Variants in NRDE2 observed in about 807,000 individuals in gnomAD.
The protein encoded by NRDE2 is NRDE-2, necessary for RNA interference, domain containing.
In NRDE2, 76 loss-of-function variants were observed where a neutral mutation model predicts 124.2. The observed-to-expected ratio is 0.61, with a 90% confidence interval of 0.51 to 0.74. The LOEUF (loss-of-function observed/expected upper bound fraction) is 0.74, where lower values mean the gene tolerates loss of function less well. Ranked by LOEUF, NRDE2 falls within the 30% of genes least tolerant of loss-of-function variation. The probability of loss-of-function intolerance (pLI) is 0.00; values close to 1 mark genes in which losing one functional copy is unlikely to be tolerated. For missense variants in NRDE2, 1,314 were observed against 1,417.3 expected (o/e 0.93, Z 1.17); for synonymous variants, 489 against 528.1 (o/e 0.93, Z 1.01).
rs914565440 is a variant in NRDE2, at chr14:90,318,122, G to A, written c.65-9C>T. On this transcript the variant is annotated splice_polypyrimidine_tract_variant and intron_variant, in intron 1 of 13. Coordinates refer to ENST00000354366, the MANE Select transcript of NRDE2 (RefSeq NM_017970.4). ...GCTCAGCCAGTCTAACTCTGCACAGGCAAAAGGAGAAAAGATCAATGAAAT... is the reference window on the plus strand; with the variant it reads ...GCTCAGCCAGTCTAACTCTGCACAGACAAAAGGAGAAAAGATCAATGAAAT... 1 of 1,598,080 alleles carries A rather than the reference G, an allele frequency of 6.3e-7. No homozygotes were observed. Among genetic ancestry groups the A allele is most frequent in the Non-Finnish European group, 8.6e-7 (1 of 1,168,300 alleles).
At chr14:90,330,049 A>G (rs1238799737) in intron 1 of NRDE2, among the ~76,000 whole-genome samples, 2 of 150,668 alleles carry the variant, frequency 1.3e-5, no homozygotes, top group Non-Finnish European at 3.0e-5. Context: ...TCTACTAACA[A>G]TACAAAAATT....
At chr14:90,288,181 T>C in intron 11 of NRDE2, 36 bp downstream of exon 11, 1 of 1,573,606 alleles carries the variant, frequency 6.4e-7, no homozygotes, top group Non-Finnish European at 8.7e-7. Context: ...TCCATAAACA[T>C]TTGCGGGGCA....
chr14:90,318,755 C>T (rs750879798), intron 1 of NRDE2, among the ~76,000 whole-genome samples: 2 of 152,242 alleles, frequency 1.3e-5, no homozygotes, highest in East Asian at 1.9e-4. Context: ...GCCGGTATCA[C>T]GCCACTGCAC....
intron 11 of NRDE2, among the ~76,000 whole-genome samples, chr14:90,287,613 C>G (rs1352340236): frequency 6.6e-6 from 1 of 151,820 alleles, no homozygotes; most frequent in Non-Finnish European, 1.5e-5. Context: ...AGAGTAAGAC[C>G]CTGTCTCAAA....
At chr14:90,319,767 A>G (rs1885176574) in intron 1 of NRDE2, among the ~76,000 whole-genome samples, 1 of 152,204 alleles carries the variant, frequency 6.6e-6, no homozygotes, top group African/African-American at 2.4e-5. Flanking sequence ...TTTAGCTAAT[A>G]TGAATACTAC....
intron 6 of NRDE2, chr14:90,301,951 A>C: frequency 2.5e-6 from 1 of 396,498 alleles, no homozygotes; most frequent in Non-Finnish European, 5.0e-6. Context: ...AAATGCTTAT[A>C]TTTTGAGAGC....
At chr14:90,278,866 C>G in intron 13 of NRDE2, 196 bp downstream of exon 13, 1 of 642,464 alleles carries the variant, frequency 1.6e-6, no homozygotes, top group Non-Finnish European at 2.8e-6. Flanking sequence ...GCACCAGCCC[C>G]AGGTAGGGCC....
chr14:90,278,837 A>C, intron 13 of NRDE2: 1 of 593,850 alleles, frequency 1.7e-6, no homozygotes, highest in Non-Finnish European at 3.0e-6. Context: ...CCAGCTACCC[A>C]CGGCAACACT....
chr14:90,327,102 C>T (rs929797463), intron 1 of NRDE2, among the ~76,000 whole-genome samples: 1 of 152,210 alleles, frequency 6.6e-6, no homozygotes, highest in African/African-American at 2.4e-5. Context: ...CCCCTAACAA[C>T]CCAGTGTGTG....
Position 90,268,201 on chromosome 14 carries a change from TTTATC to T in NRDE2, c.*10130_*10134del. 1.3e-6 allele frequency: 2 copies of T among 1,545,026 alleles called. No individual in the cohort carries two copies. Among genetic ancestry groups the T allele is most frequent in the Non-Finnish European group, 1.7e-6 (2 of 1,152,130 alleles). On this transcript the variant is annotated 3_prime_UTR_variant, in exon 14 of 14. Transcript: ENST00000354366. ...TGGCACTTAAGGTGTCTTTTTTTTTTTTATCTTTTTCATCCAAAATAGGTAAAACC... is the reference window on the plus strand; with the variant it reads ...TGGCACTTAAGGTGTCTTTTTTTTTTTTTTTCATCCAAAATAGGTAAAACC...
At chr14:90,286,949 G>A (rs555146764) in intron 11 of NRDE2, among the ~76,000 whole-genome samples, 1 of 139,282 alleles carries the variant, frequency 7.2e-6, no homozygotes, top group East Asian at 2.2e-4. Context: ...CAGGAGAATT[G>A]CTTGAACCCG....
chr14:90,297,563 C>T (rs1884220957), intron 8 of NRDE2, among the ~76,000 whole-genome samples: 1 of 151,974 alleles, frequency 6.6e-6, no homozygotes. Context: ...TATAATAGTC[C>T]TAAAAAGGTA....
intron 1 of NRDE2, among the ~76,000 whole-genome samples, chr14:90,323,573 T>C (rs137925848): frequency 6.6e-6 from 1 of 152,312 alleles, no homozygotes; most frequent in East Asian, 1.9e-4. Context: ...TCCTTTAAAA[T>C]GAGTAAGTCT....
chr14:90,279,342 C>A, intron 12 of NRDE2: 1 of 554,230 alleles, frequency 1.8e-6, no homozygotes, highest in Non-Finnish European at 3.2e-6. Context: ...TGTTTCCTCC[C>A]ATTCAAATGG....
chr14:90,310,991 G>A (rs950241582), intron 4 of NRDE2, among the ~76,000 whole-genome samples: 2 of 152,320 alleles, frequency 1.3e-5, no homozygotes, highest in African/African-American at 4.8e-5. Context: ...AATATGTACT[G>A]AATAAAACAA....
intron 10 of NRDE2, among the ~76,000 whole-genome samples, chr14:90,289,466 T>C (rs936402985): frequency 1.3e-5 from 2 of 152,240 alleles, no homozygotes; most frequent in African/African-American, 4.8e-5. Context: ...GTGTAATCTG[T>C]AGTTGAAGCT....
At chr14:90,324,405 G>C (rs913666368) in intron 1 of NRDE2, among the ~76,000 whole-genome samples, 1 of 152,136 alleles carries the variant, frequency 6.6e-6, no homozygotes, top group African/African-American at 2.4e-5. Flanking sequence ...GCCGGGCGGG[G>C]TGGCTCATGC....
chr14:90,307,399 T>C (rs747133307), intron 4 of NRDE2, among the ~76,000 whole-genome samples: 7 of 152,158 alleles, frequency 4.6e-5, no homozygotes, highest in Non-Finnish European at 1.0e-4. Context: ...TTTCCCTAAA[T>C]GAAGGCACTT....
At chr14:90,303,565 G>C (rs935119225) in intron 5 of NRDE2, among the ~76,000 whole-genome samples, 1 of 152,150 alleles carries the variant, frequency 6.6e-6, no homozygotes, top group Middle Eastern at 3.2e-3. Context: ...AATTCCGTGA[G>C]CTCTGCCTGT....
Sources: gnomAD v4.1 joint callset for allele counts (sites outside exome capture counted in the v4.1 genomes callset) on GRCh38, gnomAD v4.1.1 for gene constraint, MANE v1.5 for transcripts, NCBI Gene and HGNC (gene_info 2026-07-23, HGNC 2026-07-21) for gene names.